Variants in CCSER2 observed in about 807,000 individuals in gnomAD.
The protein encoded by CCSER2 is serine-rich coiled-coil domain-containing protein 2.
Under a neutral mutation model 92.3 loss-of-function variants are expected in CCSER2, and 46 were observed. The ratio of observed to expected loss-of-function variants is 0.50; its 90% CI spans 0.39 to 0.64. The LOEUF is 0.64. Ranked by LOEUF, CCSER2 falls within the 30% of genes least tolerant of loss-of-function variation. The pLI is 0.00. For missense variants in CCSER2, 1,244 were observed against 1,238.9 expected (o/e 1.00, Z -0.06); for synonymous variants, 433 against 431.4 (o/e 1.00, Z -0.04).
At chr10:84,351,265 G>T (rs1258592268) in intron 1 of CCSER2, among the ~76,000 whole-genome samples, 2 of 151,766 alleles carry the variant, frequency 1.3e-5, no homozygotes, top group Non-Finnish European at 2.9e-5. Flanking sequence ...CTTTGAGACA[G>T]AGTCTTCCTC....
chr10:84,479,795 A>G (rs531396902), intron 9 of CCSER2, among the ~76,000 whole-genome samples: 1 of 152,314 alleles, frequency 6.6e-6, no homozygotes, highest in East Asian at 1.9e-4. Context: ...CACAACTTGT[A>G]TACAGCAGTC....
At chr10:84,418,653 A>G (rs1310759984) in intron 4 of CCSER2, among the ~76,000 whole-genome samples, 1 of 152,114 alleles carries the variant, frequency 6.6e-6, no homozygotes, top group Non-Finnish European at 1.5e-5. Context: ...TGCAAGGAAT[A>G]TTTCAGAGAG....
chr10:84,452,841 C>G (rs1391356854), intron 6 of CCSER2, among the ~76,000 whole-genome samples: 1 of 152,076 alleles, frequency 6.6e-6, no homozygotes, highest in Non-Finnish European at 1.5e-5. Context: ...CCCCCCTCCC[C>G]CCACCAAATG....
rs983834055 is a variant in CCSER2 at position 84,515,506 on chromosome 10, A to T, written c.*1239A>T. On this transcript the variant is annotated 3_prime_UTR_variant, in exon 10 of 10. Coordinates refer to ENST00000372088, the MANE Select transcript of CCSER2 (RefSeq NM_001284240.2). ...GCCCAGGCTGGATTACAGTGGCGCA[A>T]TCTCGGCTCACTGCAACTTCTGCCT... 1 of 152,092 alleles carries T rather than the reference A, an allele frequency of 6.6e-6. No individual in the cohort carries two copies. The highest frequency in any genetic ancestry group is 1.5e-5 in the Non-Finnish European group (1 of 68,116). The allele number at this position is 152,092 out of a possible 1,614,324, so 9.4% of individuals were successfully genotyped here.
intron 9 of CCSER2, among the ~76,000 whole-genome samples, chr10:84,496,929 A>T (rs924190940): frequency 3.3e-5 from 5 of 152,164 alleles, no homozygotes; most frequent in Non-Finnish European, 5.9e-5. Context: ...CAGCAGGAAA[A>T]GGGAGAAGTA....
chr10:84,444,136 A>G (rs1334644629), intron 6 of CCSER2, among the ~76,000 whole-genome samples: 1 of 152,090 alleles, frequency 6.6e-6, no homozygotes, highest in Non-Finnish European at 1.5e-5. Flanking sequence ...AAGTTAAAGT[A>G]TAATAATAAT....
chr10:84,457,673 T>A (rs1589721279), intron 6 of CCSER2, among the ~76,000 whole-genome samples: 1 of 124,728 alleles, frequency 8.0e-6, no homozygotes, highest in Non-Finnish European at 1.6e-5. Context: ...TAATTTTAGT[T>A]ATTATATAAA....
intron 9 of CCSER2, among the ~76,000 whole-genome samples, chr10:84,482,195 T>C (rs140605845): frequency 6.6e-6 from 1 of 151,848 alleles, no homozygotes; most frequent in Admixed American, 6.6e-5. Flanking sequence ...GGAAAAGAGA[T>C]AAGAATGAGC....
chr10:84,454,104 T>G (rs1845458532), intron 6 of CCSER2, among the ~76,000 whole-genome samples: 1 of 152,186 alleles, frequency 6.6e-6, no homozygotes, highest in African/African-American at 2.4e-5. Context: ...CAAGGCGTTG[T>G]CATCAGGGCT....
intron 6 of CCSER2, among the ~76,000 whole-genome samples, chr10:84,458,984 G>T (rs944982983): frequency 4.6e-5 from 7 of 151,688 alleles, no homozygotes; most frequent in African/African-American, 1.7e-4. Flanking sequence ...CTGTGATTTT[G>T]CTAAATTCAT....
At chr10:84,464,875 C>T (rs1000329037) in intron 7 of CCSER2, among the ~76,000 whole-genome samples, 1 of 152,072 alleles carries the variant, frequency 6.6e-6, no homozygotes, top group Admixed American at 6.6e-5. Flanking sequence ...GGGGCCAGGC[C>T]TGGAATTAAT....
chr10:84,438,500 C>A lies in CCSER2; in HGVS notation c.1869-12C>A. The stretch of plus-strand genomic sequence containing the variant: ...ATATCTTTTCCCTCCACCTTCTTCC[C>A]TGCCCTTCCAGAGGCTCTCCCTATA... On this transcript the variant is annotated splice_polypyrimidine_tract_variant and intron_variant, in intron 5 of 9. Coordinates refer to ENST00000372088, the MANE Select transcript of CCSER2 (RefSeq NM_001284240.2). 6.6e-7 allele frequency: 1 copy of A among 1,512,244 alleles called. No homozygotes were observed. The highest frequency in any genetic ancestry group is 9.0e-7 in the Non-Finnish European group (1 of 1,112,834). 93.7% of individuals were successfully genotyped at this position (1,512,244 alleles called of 1,614,324 possible).
chr10:84,512,393 TGTGAGAGA>T (rs1299668426), intron 9 of CCSER2, among the ~76,000 whole-genome samples: 1 of 122,212 alleles, frequency 8.2e-6, no homozygotes, highest in Non-Finnish European at 1.8e-5. Context: ...TGTGTGTGTG[TGTGAGAGA>T]GAGAGAGAGA....
intron 3 of CCSER2, among the ~76,000 whole-genome samples, chr10:84,412,066 T>A (rs1038513864): frequency 6.6e-6 from 1 of 152,222 alleles, no homozygotes; most frequent in African/African-American, 2.4e-5. Flanking sequence ...ATTGAGATAG[T>A]CATGTGGTTT....
rs183169107 is a variant in CCSER2, at chr10:84,487,627, A to G, written c.2325+9963A>G. On this transcript the variant is annotated intron_variant, in intron 9 of 9. Transcript: ENST00000372088. ...CTTTGCTGAAGTTGCTTATCAGCTT[A>G]AGGAGATTTTGGGCTGAGACGATGG... Among the ~76,000 whole-genome samples, 378 of 152,306 alleles carry G rather than the reference A, an allele frequency of 2.5e-3. 1 individual carries two copies. The highest frequency in any genetic ancestry group is 8.4e-3 in the African/African-American group (347 of 41,546).
chr10:84,495,358 G>A (rs1848393050), intron 9 of CCSER2, among the ~76,000 whole-genome samples: 1 of 151,954 alleles, frequency 6.6e-6, no homozygotes, highest in Admixed American at 6.6e-5. Flanking sequence ...ACTTTGTTGT[G>A]GTTTGTCTTG....
intron 3 of CCSER2, among the ~76,000 whole-genome samples, chr10:84,377,453 C>G (rs1415870313): frequency 1.3e-5 from 2 of 152,150 alleles, no homozygotes; most frequent in Non-Finnish European, 2.9e-5. Flanking sequence ...TGTCATAAAT[C>G]AGTGACTGCA....
At chr10:84,447,848 C>T (rs944218728) in intron 6 of CCSER2, among the ~76,000 whole-genome samples, 3 of 152,100 alleles carry the variant, frequency 2.0e-5, no homozygotes, top group African/African-American at 4.8e-5. Flanking sequence ...GTTGCTGTGT[C>T]ACCCAGGCTG....
At position 84,438,593 on chromosome 10, in the gene CCSER2, T is replaced by A. The variant is rs749380411; in HGVS notation, c.1950T>A (p.Phe650Leu). The change falls in exon 6 of 10, where the codon TTT (phenylalanine) becomes TTA (leucine). Residue 650 changes from phenylalanine to leucine, a missense_variant. Physicochemically the swap from Phe to Leu is conservative, Grantham distance 22 (BLOSUM62 0). Coordinates refer to ENST00000372088, the MANE Select transcript of CCSER2 (RefSeq NM_001284240.2). ...CCTTTTTCCAGGCTCAGAAGATGTTTGTTGATGTACCAGAAAATACAGTGA... is the reference window on the plus strand; with the variant it reads ...CCTTTTTCCAGGCTCAGAAGATGTTAGTTGATGTACCAGAAAATACAGTGA... ...GMPFFQAQKMFVDVPENTVIL... is the reference protein window; with the variant it reads ...GMPFFQAQKMLVDVPENTVIL... The A allele has an allele frequency of 6.8e-6, 11 of 1,613,628 alleles. 1 individual carries two copies. In the South Asian group the frequency reaches 1.2e-4, roughly 18 times the overall value.
Sources: gnomAD v4.1 joint callset for allele counts (sites outside exome capture counted in the v4.1 genomes callset) on GRCh38, gnomAD v4.1.1 for gene constraint, MANE v1.5 for transcripts, NCBI Gene and HGNC (gene_info 2026-07-23, HGNC 2026-07-21) for gene names.